Variants in API5 observed in about 807,000 individuals in gnomAD.
API5 encodes the protein FIF.
A neutral mutation model predicts 71.9 loss-of-function variants in API5; 6 were observed. That is an observed-to-expected ratio of 0.08 (90% CI 0.05 to 0.16). The LOEUF is 0.16. Among genes scored for constraint, API5 ranks in the 10% least tolerant of loss-of-function variants. API5 has a pLI of 1.00. For synonymous variants in API5, 189 were observed against 221.3 expected (o/e 0.85, Z 1.30); for missense variants, 332 against 612.8 (o/e 0.54, Z 4.84).
At chr11:43,320,211 A>C (rs1448193884) in intron 2 of API5, among the ~76,000 whole-genome samples, 1 of 151,738 alleles carries the variant, frequency 6.6e-6, no homozygotes, top group African/African-American at 2.4e-5. Flanking sequence ...ACGCCTGGCT[A>C]ATTTTTGTAT....
chr11:43,343,632 A>G lies in API5; in HGVS notation c.*1122A>G, dbSNP rs1016781498. On this transcript the variant is annotated 3_prime_UTR_variant, in exon 14 of 14. Transcript: ENST00000531273. Reference sequence around the variant, plus strand: ...TTGCTTTTGCCACTTTCAAGATTTTAACTTCTCAGGTTATTAATCAAAATT... The same window carrying G: ...TTGCTTTTGCCACTTTCAAGATTTTGACTTCTCAGGTTATTAATCAAAATT... The G allele has an allele frequency of 6.6e-6, 1 of 152,634 alleles. No individual in the cohort carries two copies. The highest frequency in any genetic ancestry group is 2.4e-5 in the African/African-American group (1 of 41,464). The allele number at this position is 152,634 out of a possible 1,614,324, so 9.5% of individuals were successfully genotyped here.
rs1855194112 is a variant in API5, at chr11:43,329,821, A to G, written c.1128-144A>G. ...TACTTGATGAAGCTCTTAATCAGAA[A>G]CAAGCAACTTAAAATTCTCTTCTTT... is the stretch of plus-strand genomic sequence containing the variant. On this transcript the variant is annotated intron_variant, in intron 9 of 13. Transcript: ENST00000531273. 3 of 646,390 alleles carry G rather than the reference A, an allele frequency of 4.6e-6. No homozygotes were observed. In the Admixed American group the frequency reaches 8.0e-5, roughly 17 times the overall value. The allele number at this position is 646,390 out of a possible 1,614,324, so 40.0% of individuals were successfully genotyped here. A position where few individuals can be genotyped will look rare whatever the true frequency, so the allele number is the denominator to read the frequency against.
chr11:43,343,654 A>C lies in API5; in HGVS notation c.*1144A>C, dbSNP rs1156881164. On this transcript the variant is annotated 3_prime_UTR_variant, in exon 14 of 14. Coordinates refer to ENST00000531273, the MANE Select transcript of API5 (RefSeq NM_001142930.2). The stretch of plus-strand genomic sequence containing the variant: ...TTTAACTTCTCAGGTTATTAATCAA[A>C]ATTATTGTATAAGTTAGCCAATAGA... 1 of 152,672 alleles carries C rather than the reference A, an allele frequency of 6.5e-6. No individual in the cohort carries two copies. Among genetic ancestry groups the C allele is most frequent in the African/African-American group, 2.4e-5 (1 of 41,462 alleles). 9.5% of individuals were successfully genotyped at this position (152,672 alleles called of 1,614,324 possible).
chr11:43,320,764 G>A, intron 2 of API5, 57 bp from the exon 3 acceptor site: 1 of 1,331,844 alleles, frequency 7.5e-7, no homozygotes, highest in Non-Finnish European at 1.1e-6. Context: ...AGAAAAAGCT[G>A]TTTGTTATTT....
chr11:43,324,828 C>A (rs187439115), intron 6 of API5, among the ~76,000 whole-genome samples: 1 of 152,166 alleles, frequency 6.6e-6, no homozygotes, highest in Non-Finnish European at 1.5e-5. Flanking sequence ...CAGGCAAGCA[C>A]CACCACACCC....
intron 13 of API5, chr11:43,339,352 TC>T (rs1855537148): frequency 6.6e-6 from 1 of 152,184 alleles, no homozygotes; most frequent in Non-Finnish European, 1.5e-5. Flanking sequence ...AGATTGTGGA[TC>T]AAAAACAGCA....
At chr11:43,312,579 G>C (rs1229612514) in intron 1 of API5, among the ~76,000 whole-genome samples, 1 of 152,132 alleles carries the variant, frequency 6.6e-6, no homozygotes. Flanking sequence ...TCTTCATGAG[G>C]TCAAGATGTG....
At chr11:43,329,188 T>C (rs1264902370) in intron 9 of API5, 2 of 258,454 alleles carry the variant, frequency 7.7e-6, no homozygotes, top group South Asian at 7.2e-5. Flanking sequence ...AAAAAATAAC[T>C]TTAAAAAAAT....
intron 13 of API5, among the ~76,000 whole-genome samples, chr11:43,338,591 A>C (rs890372145): frequency 2.6e-5 from 4 of 151,736 alleles, no homozygotes; most frequent in African/African-American, 9.7e-5. Context: ...AAGCTCTTCA[A>C]AAAGAAGAAA....
intron 8 of API5, among the ~76,000 whole-genome samples, 155 bp from the exon 9 acceptor site, chr11:43,328,557 A>G (rs911881996): frequency 3.3e-5 from 5 of 152,208 alleles, no homozygotes; most frequent in African/African-American, 1.2e-4. Flanking sequence ...AGGCTAGAGC[A>G]TTGATCCAGT....
At chr11:43,323,874 C>T (rs574148207) in intron 6 of API5, among the ~76,000 whole-genome samples, 1 of 152,232 alleles carries the variant, frequency 6.6e-6, no homozygotes, top group East Asian at 1.9e-4. Context: ...GATGTTTGAG[C>T]ATCACATTGG....
chr11:43,329,896 G>A, intron 9 of API5, 69 bp from the exon 10 acceptor site: 1 of 1,287,134 alleles, frequency 7.8e-7, no homozygotes, highest in South Asian at 1.2e-5. Context: ...TTTTGCTGTA[G>A]TATAAGATTG....
chr11:43,312,226 G>A, intron 1 of API5, 30 bp downstream of exon 1: 2 of 1,608,446 alleles, frequency 1.2e-6, no homozygotes, highest in Non-Finnish European at 1.7e-6. Flanking sequence ...GGCCTGCAGG[G>A]CCTGGCGCTC....
chr11:43,339,891 T>C (rs1385933759), intron 13 of API5, among the ~76,000 whole-genome samples: 1 of 152,198 alleles, frequency 6.6e-6, no homozygotes, highest in Non-Finnish European at 1.5e-5. Flanking sequence ...CCTTTAGTAA[T>C]GATAGACAAT....
chr11:43,323,600 C>T lies in API5; in HGVS notation c.714C>T (p.Leu238=). The T allele has an allele frequency of 6.2e-7, 1 of 1,614,028 alleles. No individual in the cohort carries two copies. Among genetic ancestry groups the T allele is most frequent in the South Asian group, 1.1e-5 (1 of 91,078 alleles). The change falls in exon 6 of 14, where the codon CTC becomes CTT. Residue 238 remains leucine, a synonymous_variant. Coordinates refer to ENST00000531273, the MANE Select transcript of API5 (RefSeq NM_001142930.2). The part of the protein sequence containing the change: ...NPSDPDCVDR[L]LQCTRQAVPL... ...CGGATCCTGACTGTGTGGACAGGCT[C>T]TTACAGTGCACTCGGCAGGCAGTAC...
At chr11:43,319,077 C>A in intron 2 of API5, 1 of 344,692 alleles carries the variant, frequency 2.9e-6, no homozygotes, top group Non-Finnish European at 5.2e-6. Flanking sequence ...CATCTTGTTT[C>A]ATAGATTGTT....
At chr11:43,315,672 T>C (rs570904469) in intron 1 of API5, among the ~76,000 whole-genome samples, 11 of 152,282 alleles carry the variant, frequency 7.2e-5, no homozygotes, top group Non-Finnish European at 1.5e-4. Context: ...CTTCCAGTCC[T>C]ATCATCTTCT....
chr11:43,320,696 A>C lies in API5; in HGVS notation c.232-125A>C, dbSNP rs1249858600. On this transcript the variant is annotated intron_variant, in intron 2 of 13. Coordinates refer to ENST00000531273, the MANE Select transcript of API5 (RefSeq NM_001142930.2). ...CATTGAGCCATGGTTGCACCACTGCACTCCAACCTGGGCAACAGAGCAATA... is the reference window on the plus strand; with the variant it reads ...CATTGAGCCATGGTTGCACCACTGCCCTCCAACCTGGGCAACAGAGCAATA... 3.9e-6 allele frequency: 3 copies of C among 778,138 alleles called. No individual in the cohort carries two copies. In the East Asian group the frequency reaches 7.7e-5, roughly 20 times the overall value. 48.2% of individuals were successfully genotyped at this position (778,138 alleles called of 1,614,324 possible).
At chr11:43,325,859 G>A (rs1855053428) in intron 6 of API5, among the ~76,000 whole-genome samples, 1 of 152,164 alleles carries the variant, frequency 6.6e-6, no homozygotes, top group African/African-American at 2.4e-5. Flanking sequence ...AAGACATTTT[G>A]CTGGTTGACA....
Sources: allele counts gnomAD v4.1 joint callset (sites outside exome capture counted in the v4.1 genomes callset), GRCh38; gene constraint gnomAD v4.1.1; transcripts MANE v1.5; gene names NCBI Gene and HGNC (gene_info 2026-07-23, HGNC 2026-07-21).